Variants in CGNL1 observed in about 807,000 individuals in gnomAD.
CGNL1 encodes cingulin-like protein 1.
A neutral mutation model predicts 141.2 loss-of-function variants in CGNL1; 132 were observed. That is an observed-to-expected ratio of 0.93 (90% confidence interval 0.81 to 1.08). CGNL1 has a LOEUF of 1.08. CGNL1 is among the 50% of genes least tolerant of loss of function. The pLI, the probability that CGNL1 is intolerant of heterozygous loss-of-function variation, is 0.00. For synonymous variants in CGNL1, 690 were observed against 622.1 expected (o/e 1.11, Z -1.63); for missense variants, 1,870 against 1,588.6 (o/e 1.18, Z -3.01).
intron 1 of CGNL1, among the ~76,000 whole-genome samples, chr15:57,425,974 G>A (rs1033973293): frequency 6.6e-6 from 1 of 151,932 alleles, no homozygotes; most frequent in African/African-American, 2.4e-5. Flanking sequence ...TGGAGTAGAT[G>A]GCCTTTACTC....
In CGNL1 at chr15:57,438,460, C is replaced by T. The variant is rs750986914; in HGVS notation, c.461C>T (p.Pro154Leu). Residue 154 changes from proline to leucine, a missense_variant, in exon 2 of 19, where the codon CCC becomes CTC. By Grantham distance (98) the Pro-to-Leu change is moderately conservative. Coordinates refer to ENST00000281282, the MANE Select transcript of CGNL1 (RefSeq NM_032866.5). ...CAGAGGCATCCAGAGCTTTTGCAAC[C>T]CTATGACCCTGAAAAGAATGAGTTG... ...NFQRHPELLQPYDPEKNELNL... is the reference protein window; with the variant it reads ...NFQRHPELLQLYDPEKNELNL... 6.2e-7 allele frequency: 1 copy of T among 1,614,166 alleles called. No homozygotes were observed. The highest frequency in any genetic ancestry group is 1.7e-5 in the Admixed American group (1 of 60,028).
At chr15:57,532,922 C>T (rs2032034855) in intron 14 of CGNL1, among the ~76,000 whole-genome samples, 1 of 152,182 alleles carries the variant, frequency 6.6e-6, no homozygotes, top group South Asian at 2.1e-4. Context: ...CTTCCCTATT[C>T]CAAAGGGCAC....
chr15:57,455,131 A>G (rs186087233), intron 7 of CGNL1, among the ~76,000 whole-genome samples: 3 of 152,320 alleles, frequency 2.0e-5, no homozygotes, highest in East Asian at 1.9e-4. Flanking sequence ...TTAATTTTTA[A>G]GAAGATAAAC....
chr15:57,464,028 C>T (rs2063478619), intron 8 of CGNL1, among the ~76,000 whole-genome samples: 1 of 151,878 alleles, frequency 6.6e-6, no homozygotes, highest in African/African-American at 2.4e-5. Flanking sequence ...TGTCTGCTTC[C>T]TCCATTAGAC....
chr15:57,447,104 G>A (rs2063262986), intron 4 of CGNL1, among the ~76,000 whole-genome samples: 1 of 152,026 alleles, frequency 6.6e-6, no homozygotes, highest in African/African-American at 2.4e-5. Context: ...TAAATTTGGT[G>A]GAACTGACGT....
Position 57,549,920 on chromosome 15 carries a change from A to G in CGNL1, c.*2430A>G, listed in dbSNP as rs1195251899. ...TGCTGAGAGAAGCCTCAGCCCACTC[A>G]TACCTAGAGACGCTGCTGGGGAAGG... On this transcript the variant is annotated 3_prime_UTR_variant, in exon 19 of 19. Transcript: ENST00000281282. 6.6e-6 allele frequency: 1 copy of G among 152,166 alleles called. No individual in the cohort carries two copies. Among genetic ancestry groups the G allele is most frequent in the Non-Finnish European group, 1.5e-5 (1 of 68,042 alleles). 9.4% of individuals were successfully genotyped at this position (152,166 alleles called of 1,614,324 possible).
At chr15:57,399,038 A>T (rs1443593563) in intron 1 of CGNL1, among the ~76,000 whole-genome samples, 2 of 152,228 alleles carry the variant, frequency 1.3e-5, no homozygotes, top group Non-Finnish European at 2.9e-5. Flanking sequence ...ACATGTATAC[A>T]ATGTGTGATG....
At chr15:57,520,592 G>T (rs1253449751) in intron 10 of CGNL1, among the ~76,000 whole-genome samples, 1 of 152,202 alleles carries the variant, frequency 6.6e-6, no homozygotes, top group East Asian at 1.9e-4. Context: ...TACTGGAACT[G>T]CACTTAAGGC....
intron 13 of CGNL1, among the ~76,000 whole-genome samples, chr15:57,531,208 G>A (rs1369239630): frequency 6.6e-6 from 1 of 152,306 alleles, no homozygotes; most frequent in African/African-American, 2.4e-5. Flanking sequence ...GGAGTGCATC[G>A]TGCAAATGCA....
chr15:57,395,052 G>A (rs569581479), intron 1 of CGNL1, among the ~76,000 whole-genome samples: 4 of 152,260 alleles, frequency 2.6e-5, no homozygotes, highest in Admixed American at 6.5e-5. Flanking sequence ...CGGAGGTTGC[G>A]GTGAGCTGAG....
intron 18 of CGNL1, 72 bp from the exon 19 acceptor site, chr15:57,547,283 C>T: frequency 6.4e-7 from 1 of 1,567,844 alleles, no homozygotes; most frequent in African/African-American, 1.4e-5. Context: ...ACCCAAAACC[C>T]TCCCTTTAAG....
chr15:57,453,776 T>C lies in CGNL1; in HGVS notation c.2148T>C (p.Ser716=). ...CAGAAATGCACGATGAACTGGACAG[T>C]GCAAAGCGATCGGAGGACAGGGAGA... The part of the protein sequence containing the change: ...QLSEMHDELD[S]AKRSEDREKG... Residue 716 remains serine, a synonymous_variant, in exon 7 of 19, where the codon AGT becomes AGC. Coordinates refer to ENST00000281282, the MANE Select transcript of CGNL1 (RefSeq NM_032866.5). The C allele has an allele frequency of 6.2e-7, 1 of 1,613,862 alleles. No individual in the cohort carries two copies. Among genetic ancestry groups the C allele is most frequent in the Non-Finnish European group, 8.5e-7 (1 of 1,179,926 alleles).
At chr15:57,394,860 C>T (rs1447355884) in intron 1 of CGNL1, among the ~76,000 whole-genome samples, 1 of 152,182 alleles carries the variant, frequency 6.6e-6, no homozygotes, top group African/African-American at 2.4e-5. Context: ...GCCTGTAATC[C>T]CAGTACTTTG....
intron 11 of CGNL1, among the ~76,000 whole-genome samples, 193 bp from the exon 12 acceptor site, chr15:57,524,388 C>T (rs1002713150): frequency 6.6e-6 from 1 of 152,210 alleles, no homozygotes; most frequent in Non-Finnish European, 1.5e-5. Flanking sequence ...AAGGACGTGC[C>T]TGCTCACTCC....
At chr15:57,545,786 A>C in intron 17 of CGNL1, 86 bp downstream of exon 17, 1 of 1,124,684 alleles carries the variant, frequency 8.9e-7, no homozygotes, top group Non-Finnish European at 1.3e-6. Context: ...CTCCCTGAGC[A>C]GGAGTGGAGT....
chr15:57,427,055 G>A (rs563804931), intron 1 of CGNL1, among the ~76,000 whole-genome samples: 9 of 152,196 alleles, frequency 5.9e-5, no homozygotes, highest in Non-Finnish European at 1.3e-4. Flanking sequence ...AAGGCACAGC[G>A]TGTTTGGGGT....
At chr15:57,411,749 C>A in intron 1 of CGNL1, among the ~76,000 whole-genome samples, 1 of 151,780 alleles carries the variant, frequency 6.6e-6, no homozygotes, top group East Asian at 1.9e-4. Flanking sequence ...TGGCCCAGAT[C>A]TCACTAGTTT....
At chr15:57,437,866 T>A (rs2458104) in intron 1 of CGNL1, 119 bp from the exon 2 acceptor site, 27,991 of 1,026,154 alleles carry the variant, frequency 0.027, 1,310 homozygotes, top group Admixed American at 0.16. Context: ...TCTTTGCTGT[T>A]TAAAATGTCT....
Position 57,529,750 on chromosome 15 carries a change from T to C in CGNL1, c.3201+935T>C, listed in dbSNP as rs145538095. Among the ~76,000 whole-genome samples the C allele has an allele frequency of 9.5e-4, 145 of 152,322 alleles. 1 individual carries two copies. Among genetic ancestry groups the C allele is most frequent in the African/African-American group, 3.3e-3 (136 of 41,572 alleles). ...GACAGTGCTCAAGGCCATGGAGAGA[T>C]GGCTTAAATTCAAAATCAATGGAAT... is the stretch of plus-strand genomic sequence containing the variant. On this transcript the variant is annotated intron_variant, in intron 13 of 18. Coordinates refer to ENST00000281282, the MANE Select transcript of CGNL1 (RefSeq NM_032866.5).
Sources: gnomAD v4.1 joint callset for allele counts (sites outside exome capture counted in the v4.1 genomes callset) on GRCh38, gnomAD v4.1.1 for gene constraint, MANE v1.5 for transcripts, NCBI Gene and HGNC (gene_info 2026-07-23, HGNC 2026-07-21) for gene names.